SESN1: variants seen among roughly 807,000 people sequenced by gnomAD.
SESN1 encodes the protein sestrin 1, also known as sestrin-1.
A neutral mutation model predicts 59.3 loss-of-function variants in SESN1; 30 were observed. The observed-to-expected ratio is 0.51, with a 90% confidence interval of 0.38 to 0.69. The LOEUF (loss-of-function observed/expected upper bound fraction) is 0.69. SESN1 is among the 30% of genes least tolerant of loss of function. The pLI is 0.00. For missense variants in SESN1, 566 were observed against 673.0 expected, an observed-to-expected ratio of 0.84 and a Z score of 1.76; for synonymous variants, 197 against 219.9, an observed-to-expected ratio of 0.90 and a Z score of 0.92.
chr6:108,984,645 T>C lies in SESN1; in HGVS notation c.*2899A>G, dbSNP rs1779134554. Among the ~76,000 whole-genome samples the C allele has an allele frequency of 6.6e-6, 1 of 152,340 alleles. No homozygotes were observed. The highest frequency in any genetic ancestry group is 2.1e-4 in the South Asian group (1 of 4,832). On this transcript the variant is annotated 3_prime_UTR_variant, in exon 10 of 10. Coordinates refer to ENST00000436639, the MANE Select transcript of SESN1 (RefSeq NM_014454.3). Reference sequence around the variant, plus strand: ...CACATATCCCCTTGGTTAGGTTTATTCCTAAGTATTTTATTCTTTTTGATC... The same window carrying C: ...CACATATCCCCTTGGTTAGGTTTATCCCTAAGTATTTTATTCTTTTTGATC...
In SESN1 at chr6:109,082,705, T is replaced by C. The variant is rs202233477; in HGVS notation, c.279+11090A>G. ...GTCACTTTGGGCAACTACTAACACT[T>C]ACACTGGGGCAGTGGTACCCTATGA... On this transcript the variant is annotated intron_variant, in intron 1 of 9. Coordinates refer to ENST00000436639, the MANE Select transcript of SESN1 (RefSeq NM_014454.3). Among the ~76,000 whole-genome samples the C allele has an allele frequency of 1.8e-4, 27 of 152,338 alleles. No homozygotes were observed. In the East Asian group the frequency reaches 5.2e-3, roughly 29 times the overall value.
At chr6:109,052,954 C>G (rs1283529653) in intron 1 of SESN1, among the ~76,000 whole-genome samples, 1 of 151,990 alleles carries the variant, frequency 6.6e-6, no homozygotes, top group Non-Finnish European at 1.5e-5. Context: ...ATCAAACAAT[C>G]AATAAAGTAA....
rs956637252 is a variant in SESN1, at chr6:108,988,531, A to G, written c.1569+12T>C. Reference sequence around the variant, plus strand: ...TAAGTTACAAAGTAAATAAGCCACAATAGGCACATACCTTCTCAGAGTGCT... The same window carrying G: ...TAAGTTACAAAGTAAATAAGCCACAGTAGGCACATACCTTCTCAGAGTGCT... On this transcript the variant is annotated intron_variant, in intron 9 of 9. Coordinates refer to ENST00000436639, the MANE Select transcript of SESN1 (RefSeq NM_014454.3). 1.0e-5 allele frequency: 16 copies of G among 1,595,940 alleles called. No homozygotes were observed. Among genetic ancestry groups the G allele is most frequent in the Non-Finnish European group, 1.4e-5 (16 of 1,173,188 alleles).
At chr6:109,022,264 A>G (rs1780023696) in intron 1 of SESN1, among the ~76,000 whole-genome samples, 1 of 152,186 alleles carries the variant, frequency 6.6e-6, no homozygotes. Flanking sequence ...AGGTAAATGA[A>G]TGCCAATTGA....
chr6:109,027,302 G>A (rs998782476), intron 1 of SESN1, among the ~76,000 whole-genome samples: 1 of 151,504 alleles, frequency 6.6e-6, no homozygotes, highest in Non-Finnish European at 1.5e-5. Flanking sequence ...GTGAAACCCC[G>A]TCTCTACTAA....
At chr6:109,065,554 A>T (rs1780810186) in intron 1 of SESN1, among the ~76,000 whole-genome samples, 1 of 152,076 alleles carries the variant, frequency 6.6e-6, no homozygotes, top group Admixed American at 6.5e-5. Context: ...TTTCTTTCTT[A>T]AATAGCCTCA....
At chr6:109,081,002 G>A (rs772228040) in intron 1 of SESN1, among the ~76,000 whole-genome samples, 8 of 151,642 alleles carry the variant, frequency 5.3e-5, no homozygotes, top group South Asian at 2.1e-4. Flanking sequence ...GTTACATCCC[G>A]AAGATATCTC....
At chr6:109,036,901 A>G (rs1465573756) in intron 1 of SESN1, among the ~76,000 whole-genome samples, 1 of 152,224 alleles carries the variant, frequency 6.6e-6, no homozygotes, top group Non-Finnish European at 1.5e-5. Flanking sequence ...AGAGACAAAT[A>G]GGCATACTGC....
At chr6:109,074,273 C>T (rs1183600563) in intron 1 of SESN1, among the ~76,000 whole-genome samples, 3 of 150,894 alleles carry the variant, frequency 2.0e-5, no homozygotes, top group African/African-American at 7.4e-5. Flanking sequence ...TTAAGCAACA[C>T]ATAACTGTAT....
chr6:109,050,148 G>A (rs1191693408), intron 1 of SESN1, among the ~76,000 whole-genome samples: 7 of 152,112 alleles, frequency 4.6e-5, no homozygotes, highest in Non-Finnish European at 8.8e-5. Context: ...GGTTTTATGG[G>A]ATGACACAAT....
intron 1 of SESN1, among the ~76,000 whole-genome samples, chr6:109,040,687 C>T (rs914378055): frequency 1.4e-3 from 206 of 150,256 alleles, no homozygotes; most frequent in African/African-American, 4.8e-3. Flanking sequence ...CAGTCTCGCT[C>T]TGTCGCCCAG....
intron 3 of SESN1, 59 bp from the exon 4 acceptor site, chr6:109,000,732 T>C (rs1779603039): frequency 7.8e-7 from 1 of 1,286,970 alleles, no homozygotes; most frequent in Non-Finnish European, 1.0e-6. Flanking sequence ...ACATATCCTT[T>C]TTATTTACAA....
chr6:109,043,227 T>C (rs1295716908), intron 1 of SESN1, among the ~76,000 whole-genome samples: 1 of 152,174 alleles, frequency 6.6e-6, no homozygotes, highest in Non-Finnish European at 1.5e-5. Flanking sequence ...AACCTACAGC[T>C]GTTTTTATAC....
At chr6:109,044,311 C>CAAAAAAAAAAAAAAAAA (rs71015570) in intron 1 of SESN1, among the ~76,000 whole-genome samples, 1 of 28,458 alleles carries the variant, frequency 3.5e-5, no homozygotes, top group African/African-American at 2.0e-4. Flanking sequence ...GAACTTGCCT[C>CAAAAAAAAAAAAAAAAA]AAAAAAAAAA....
chr6:109,072,945 T>A (rs1780963241), intron 1 of SESN1, among the ~76,000 whole-genome samples: 1 of 152,104 alleles, frequency 6.6e-6, no homozygotes, highest in Non-Finnish European at 1.5e-5. Context: ...TAAGCAGATT[T>A]AGAAAAAATT....
chr6:109,009,046 A>C, intron 1 of SESN1: 4 of 971,644 alleles, frequency 4.1e-6, no homozygotes, highest in Non-Finnish European at 5.1e-6. Context: ...CCAGACGACA[A>C]TGTTATTTAC....
intron 1 of SESN1, among the ~76,000 whole-genome samples, chr6:109,024,807 T>C (rs1457532403): frequency 6.6e-6 from 1 of 152,230 alleles, no homozygotes; most frequent in African/African-American, 2.4e-5. Flanking sequence ...GTGAGTATCG[T>C]ACTACTTTCC....
In SESN1 at chr6:109,014,239, A is replaced by G. The variant is rs58243954; in HGVS notation, c.280-11896T>C. ...ATTTAAAAGTTGCTTTTACCCCAAA[A>G]TCAATGTGTTAAATAACGGTCAGGT... is the stretch of plus-strand genomic sequence containing the variant. On this transcript the variant is annotated intron_variant, in intron 1 of 9. Coordinates refer to ENST00000436639, the MANE Select transcript of SESN1 (RefSeq NM_014454.3). Among the ~76,000 whole-genome samples the G allele has an allele frequency of 7.0e-3, 1,073 of 152,324 alleles. 12 individuals carry two copies. The highest frequency in any genetic ancestry group is 0.024 in the African/African-American group (1,007 of 41,578).
intron 1 of SESN1, among the ~76,000 whole-genome samples, chr6:109,036,114 C>T (rs1346875490): frequency 6.6e-6 from 1 of 152,156 alleles, no homozygotes; most frequent in Non-Finnish European, 1.5e-5. Context: ...GGACCTTTTC[C>T]TACCAAGGTA....
Sources: gnomAD v4.1 joint callset for allele counts (sites outside exome capture counted in the v4.1 genomes callset) on GRCh38, gnomAD v4.1.1 for gene constraint, MANE v1.5 for transcripts, NCBI Gene and HGNC (gene_info 2026-07-23, HGNC 2026-07-21) for gene names.